KIF26B: variants seen among roughly 807,000 people sequenced by gnomAD.
KIF26B encodes kinesin family member 26B.
In KIF26B, 63 loss-of-function variants were observed where a neutral mutation model predicts 151.2. The observed-to-expected ratio is 0.42, with a 90% CI of 0.34 to 0.51. The LOEUF (loss-of-function observed/expected upper bound fraction) is 0.51. KIF26B is among the 20% of genes least tolerant of loss of function. The pLI is 0.07. For missense variants in KIF26B, 2,813 were observed against 2,913.6 expected (o/e 0.97, Z 0.79); for synonymous variants, 1,357 against 1,262.1 (o/e 1.08, Z -1.59).
chr1:245,188,297 A>AAG (rs1249176930), intron 2 of KIF26B, among the ~76,000 whole-genome samples: 3 of 151,360 alleles, frequency 2.0e-5, no homozygotes, highest in Non-Finnish European at 4.4e-5. Flanking sequence ...AAAAAAAAAA[A>AAG]AAAAAGAGGC....
chr1:245,630,056 G>A (rs2043764453), intron 9 of KIF26B, among the ~76,000 whole-genome samples: 1 of 152,198 alleles, frequency 6.6e-6, no homozygotes, highest in Non-Finnish European at 1.5e-5. Flanking sequence ...CAGTCAGAAT[G>A]GTGATTATTA....
intron 5 of KIF26B, among the ~76,000 whole-genome samples, chr1:245,541,618 G>A (rs2103103259): frequency 6.6e-6 from 1 of 152,294 alleles, no homozygotes; most frequent in South Asian, 2.1e-4. Flanking sequence ...GAATAAGCCA[G>A]GGCTCATACA....
intron 10 of KIF26B, among the ~76,000 whole-genome samples, chr1:245,668,929 G>A (rs937568694): frequency 6.6e-6 from 1 of 152,060 alleles, no homozygotes; most frequent in Non-Finnish European, 1.5e-5. Flanking sequence ...GACCTCAGGT[G>A]ATCCGCCTGC....
At position 245,227,483 on chromosome 1, in the gene KIF26B, C is replaced by T. The variant is rs749171362; in HGVS notation, c.465+70800C>T. On this transcript the variant is annotated intron_variant, in intron 2 of 14. Coordinates refer to ENST00000407071, the MANE Select transcript of KIF26B (RefSeq NM_018012.4). This position sits in a 1 kb window ranked among gnomAD's most constrained non-coding sequence, Gnocchi z 4.1. ...TTGTTTCTTCCCACCCCTGTCACAC[C>T]GCCCTTGACCATGGTTGTCTGTCAT... Among the ~76,000 whole-genome samples the T allele has an allele frequency of 2.0e-5, 3 of 152,170 alleles. No individual in the cohort carries two copies. The highest frequency in any genetic ancestry group is 7.2e-5 in the African/African-American group (3 of 41,430).
chr1:245,293,550 C>T, intron 2 of KIF26B, among the ~76,000 whole-genome samples: 2 of 150,018 alleles, frequency 1.3e-5, no homozygotes, highest in East Asian at 2.0e-4. Flanking sequence ...AAAGCCTGGT[C>T]ATTAAAGAAG....
intron 4 of KIF26B, among the ~76,000 whole-genome samples, chr1:245,462,859 T>C (rs1659680470): frequency 6.6e-6 from 1 of 151,706 alleles, no homozygotes. Flanking sequence ...AATGAATGAA[T>C]GAATGAATGA....
At chr1:245,164,034 G>A (rs1458629731) in intron 2 of KIF26B, among the ~76,000 whole-genome samples, 4 of 152,100 alleles carry the variant, frequency 2.6e-5, no homozygotes, top group African/African-American at 9.7e-5. Context: ...ACATAATAGC[G>A]ATATAGTGGG....
chr1:245,484,611 T>A (rs1381705338), intron 4 of KIF26B, among the ~76,000 whole-genome samples: 1 of 148,472 alleles, frequency 6.7e-6, no homozygotes, highest in Non-Finnish European at 1.5e-5. Context: ...TTTGGAGCAT[T>A]GTTTGGAGAT....
At chr1:245,176,276 GGCGTGA>G (rs112213375) in intron 2 of KIF26B, among the ~76,000 whole-genome samples, 14,192 of 152,150 alleles carry the variant, frequency 0.093, 848 homozygotes, top group African/African-American at 0.17. Context: ...TGGGATTACA[GGCGTGA>G]GCCTTGTAAT....
At chr1:245,504,078 C>G (rs1572095296) in intron 4 of KIF26B, among the ~76,000 whole-genome samples, 2 of 152,150 alleles carry the variant, frequency 1.3e-5, no homozygotes, top group East Asian at 3.9e-4. Flanking sequence ...TCTGTCATAT[C>G]TTCTCTGCAC....
At chr1:245,293,858 G>A (rs925613415) in intron 2 of KIF26B, among the ~76,000 whole-genome samples, 6 of 152,182 alleles carry the variant, frequency 3.9e-5, no homozygotes, top group African/African-American at 9.7e-5. Flanking sequence ...GATTACAGGC[G>A]TGAGCTACTG....
chr1:245,309,642 T>A (rs1671626714), intron 2 of KIF26B, among the ~76,000 whole-genome samples: 1 of 148,528 alleles, frequency 6.7e-6, no homozygotes, highest in Non-Finnish European at 1.5e-5. Flanking sequence ...TCTCTCATTA[T>A]ATATATAATA....
chr1:245,176,552 C>CTGATG (rs1329034565), intron 2 of KIF26B, among the ~76,000 whole-genome samples: 1 of 152,094 alleles, frequency 6.6e-6, no homozygotes, highest in African/African-American at 2.4e-5. Flanking sequence ...ACCAAAGGCC[C>CTGATG]TGATGGGTGT....
chr1:245,284,896 G>A (rs1306200002), intron 2 of KIF26B, among the ~76,000 whole-genome samples: 1 of 152,096 alleles, frequency 6.6e-6, no homozygotes. Context: ...AAAATTAGCC[G>A]GGCGTGGTGG....
intron 4 of KIF26B, among the ~76,000 whole-genome samples, chr1:245,524,711 AGG>A (rs1327864385): frequency 6.6e-6 from 1 of 152,208 alleles, no homozygotes; most frequent in Non-Finnish European, 1.5e-5. Context: ...ATTCAGTCTA[AGG>A]CAGTTAGGTA....
intron 5 of KIF26B, among the ~76,000 whole-genome samples, chr1:245,590,842 C>A (rs1222252902): frequency 6.8e-6 from 1 of 146,708 alleles, no homozygotes; most frequent in Non-Finnish European, 1.5e-5. Flanking sequence ...TGGGAGGCAG[C>A]GGTTGCAGTG....
rs191009453 is a variant in KIF26B at position 245,681,508 on chromosome 1, C to T, written c.2259-2725C>T. The stretch of plus-strand genomic sequence containing the variant: ...ACAGGCATGAGCCACCGCGCCCGGC[C>T]GGTCTTTGGTATGTTTTCTTGGGGA... On this transcript the variant is annotated intron_variant, in intron 10 of 14. Transcript: ENST00000407071. Among the ~76,000 whole-genome samples the T allele has an allele frequency of 1.4e-3, 220 of 152,264 alleles. 3 individuals carry two copies. Among genetic ancestry groups the T allele is most frequent in the African/African-American group, 4.7e-3 (197 of 41,538 alleles).
chr1:245,585,489 C>G (rs1374317240), intron 5 of KIF26B, among the ~76,000 whole-genome samples: 1 of 151,862 alleles, frequency 6.6e-6, no homozygotes, highest in East Asian at 1.9e-4. Context: ...ATACGTGATC[C>G]TGAGGATGGA....
chr1:245,533,611 GA>G (rs1215045084), intron 4 of KIF26B, among the ~76,000 whole-genome samples: 1 of 152,172 alleles, frequency 6.6e-6, no homozygotes, highest in African/African-American at 2.4e-5. Context: ...TATTCTTCAT[GA>G]AGCTAATAAT....
Sources: gnomAD v4.1 joint callset for allele counts (sites outside exome capture counted in the v4.1 genomes callset) on GRCh38, gnomAD v4.1.1 for gene constraint, Gnocchi (gnomAD v3.1) non-coding constraint, MANE v1.5 for transcripts, NCBI Gene and HGNC (gene_info 2026-07-23, HGNC 2026-07-21) for gene names.